GRK3: variants seen among roughly 807,000 people sequenced by gnomAD.
GRK3 encodes G protein-coupled receptor kinase 3, also known as adrenergic, beta, receptor kinase 2.
Under a neutral mutation model 95.7 loss-of-function variants are expected in GRK3, and 54 were observed. The ratio of observed to expected loss-of-function variants is 0.56; its 90% CI spans 0.45 to 0.71. The LOEUF (loss-of-function observed/expected upper bound fraction) is 0.71, where lower values mean the gene tolerates loss of function less well. Among genes scored for constraint, GRK3 ranks in the 30% least tolerant of loss-of-function variants. The pLI, the probability that GRK3 is intolerant of heterozygous loss-of-function variation, is 0.00. For missense variants in GRK3, 649 were observed against 851.2 expected (o/e 0.76, Z 2.96); for synonymous variants, 281 against 290.8 (o/e 0.97, Z 0.34).
intron 2 of GRK3, among the ~76,000 whole-genome samples, chr22:25,606,894 G>T (rs1475613068): frequency 6.6e-6 from 1 of 152,236 alleles, no homozygotes; most frequent in African/African-American, 2.4e-5. Flanking sequence ...TAAAAGTAGG[G>T]ATAATAATAG....
At chr22:25,652,627 G>T (rs550338491) in intron 3 of GRK3, among the ~76,000 whole-genome samples, 64 of 152,164 alleles carry the variant, frequency 4.2e-4, no homozygotes, top group African/African-American at 1.4e-3. Flanking sequence ...ATTTCCATTG[G>T]ATTGTAATCA....
At position 25,608,857 on chromosome 22, in the gene GRK3, G is replaced by A. The variant is rs567973559; in HGVS notation, c.190+4404G>A. Among the ~76,000 whole-genome samples the A allele has an allele frequency of 6.6e-5, 10 of 152,330 alleles. 1 individual carries two copies. Among genetic ancestry groups the A allele is most frequent in the African/African-American group, 2.4e-4 (10 of 41,564 alleles). The stretch of plus-strand genomic sequence containing the variant: ...TAGAACTGTGAGATGATACGTGGGT[G>A]TTGTTTTCCAGTCACTAAGTTTCTG... On this transcript the variant is annotated intron_variant, in intron 2 of 20. Transcript: ENST00000324198.
intron 2 of GRK3, among the ~76,000 whole-genome samples, chr22:25,615,966 G>C (rs574161463): frequency 6.9e-6 from 1 of 145,124 alleles, no homozygotes; most frequent in Non-Finnish European, 1.5e-5. Context: ...TGGAACCTCA[G>C]GGTTGAGGCA....
intron 3 of GRK3, among the ~76,000 whole-genome samples, chr22:25,651,543 C>T (rs1472442506): frequency 6.6e-6 from 1 of 152,204 alleles, no homozygotes; most frequent in East Asian, 1.9e-4. Flanking sequence ...AGAGTGACGT[C>T]ATTATTTCCT....
At chr22:25,655,453 A>C in intron 3 of GRK3, among the ~76,000 whole-genome samples, 1 of 152,120 alleles carries the variant, frequency 6.6e-6, no homozygotes, top group Non-Finnish European at 1.5e-5. Context: ...TCAATATGGA[A>C]AATTTCTACA....
intron 1 of GRK3, among the ~76,000 whole-genome samples, chr22:25,602,486 A>C (rs1323353448): frequency 6.6e-6 from 1 of 152,230 alleles, no homozygotes; most frequent in South Asian, 2.1e-4. Flanking sequence ...CCTGTGAAAA[A>C]TGAAAACGCA....
At chr22:25,626,139 C>G (rs960454488) in intron 2 of GRK3, among the ~76,000 whole-genome samples, 1 of 152,170 alleles carries the variant, frequency 6.6e-6, no homozygotes, top group African/African-American at 2.4e-5. Flanking sequence ...CTACATTAGC[C>G]AGGATGGTCT....
rs1178800300 is a variant in GRK3, at chr22:25,726,579, A to G, written c.*4129A>G. On this transcript the variant is annotated 3_prime_UTR_variant, in exon 21 of 21. Coordinates refer to ENST00000324198, the MANE Select transcript of GRK3 (RefSeq NM_005160.4). ...ACAGGTGGGGGCTGGGCTGGGTGTCACAAAGAGAATAGTGGTAGAAATCGG... is the reference window on the plus strand; with the variant it reads ...ACAGGTGGGGGCTGGGCTGGGTGTCGCAAAGAGAATAGTGGTAGAAATCGG... The G allele has an allele frequency of 1.3e-5, 2 of 152,228 alleles. No individual in the cohort carries two copies. The highest frequency in any genetic ancestry group is 2.9e-5 in the Non-Finnish European group (2 of 68,048). 9.4% of individuals were successfully genotyped at this position (152,228 alleles called of 1,614,324 possible).
chr22:25,644,155 G>GT (rs547022325), intron 2 of GRK3, among the ~76,000 whole-genome samples: 109 of 138,904 alleles, frequency 7.8e-4, no homozygotes, highest in South Asian at 1.3e-3. Flanking sequence ...TTGTTTGTTT[G>GT]TTTTTTTTTT....
intron 1 of GRK3, among the ~76,000 whole-genome samples, chr22:25,577,894 T>C (rs1026755066): frequency 1.2e-4 from 19 of 152,244 alleles, no homozygotes; most frequent in Admixed American, 6.5e-4. Flanking sequence ...TACGTAGAGC[T>C]GCAAAGAAAT....
chr22:25,645,771 A>G (rs1306356593), intron 3 of GRK3, among the ~76,000 whole-genome samples: 6 of 152,104 alleles, frequency 3.9e-5, no homozygotes. Flanking sequence ...AATACAAAAA[A>G]TTAGCCAGGC....
chr22:25,601,138 T>G (rs954419211), intron 1 of GRK3, among the ~76,000 whole-genome samples: 1 of 152,198 alleles, frequency 6.6e-6, no homozygotes, highest in Non-Finnish European at 1.5e-5. Flanking sequence ...TAGAAAAATC[T>G]AAGCAACACT....
At chr22:25,716,254 C>T (rs1369663128) in intron 18 of GRK3, among the ~76,000 whole-genome samples, 1 of 152,210 alleles carries the variant, frequency 6.6e-6, no homozygotes, top group Non-Finnish European at 1.5e-5. Flanking sequence ...TCCCAAAGTG[C>T]TGGGATTACA....
chr22:25,602,122 T>A (rs1238255409), intron 1 of GRK3, among the ~76,000 whole-genome samples: 1 of 152,218 alleles, frequency 6.6e-6, no homozygotes, highest in African/African-American at 2.4e-5. Flanking sequence ...GTTGTACAAC[T>A]GAATAATACA....
chr22:25,589,829 A>C (rs1404633396), intron 1 of GRK3, among the ~76,000 whole-genome samples: 1 of 152,204 alleles, frequency 6.6e-6, no homozygotes, highest in Non-Finnish European at 1.5e-5. Context: ...GAGGCCTCAC[A>C]ATCATGGTGG....
chr22:25,670,903 A>AAAAAAAAAC, intron 6 of GRK3, among the ~76,000 whole-genome samples: 1 of 147,898 alleles, frequency 6.8e-6, no homozygotes, highest in Non-Finnish European at 1.5e-5. Context: ...AAAAAAAAAA[A>AAAAAAAAAC]ATTAGCCTGG....
At chr22:25,579,020 C>T (rs1932007007) in intron 1 of GRK3, among the ~76,000 whole-genome samples, 1 of 152,054 alleles carries the variant, frequency 6.6e-6, no homozygotes, top group African/African-American at 2.4e-5. Context: ...GCAGTAGAAC[C>T]AAGGCACCTA....
intron 13 of GRK3, among the ~76,000 whole-genome samples, chr22:25,695,761 C>T (rs555391353): frequency 7.9e-5 from 12 of 151,952 alleles, no homozygotes; most frequent in African/African-American, 2.9e-4. Context: ...CTCCTGGGCT[C>T]AAGCAATCCT....
At chr22:25,620,006 T>TTTTGTGTGTGTGTG (rs144086816) in intron 2 of GRK3, among the ~76,000 whole-genome samples, 2 of 90,322 alleles carry the variant, frequency 2.2e-5, no homozygotes, top group Non-Finnish European at 3.9e-5. Flanking sequence ...TTTGTCTTTT[T>TTTTGTGTGTGTGTG]TGTGTGTGTG....
Sources: gnomAD v4.1 joint callset for allele counts (sites outside exome capture counted in the v4.1 genomes callset) on GRCh38, gnomAD v4.1.1 for gene constraint, MANE v1.5 for transcripts, NCBI Gene and HGNC (gene_info 2026-07-23, HGNC 2026-07-21) for gene names.